The following GLTP variants were observed in gnomAD, a reference collection of about 807,000 sequenced individuals.
GLTP encodes glycolipid transfer protein.
Under a neutral mutation model 24.0 loss-of-function variants are expected in GLTP, and 22 were observed. The observed-to-expected ratio is 0.92, with a 90% CI of 0.65 to 1.31. GLTP has a LOEUF of 1.31. Among genes scored for constraint, GLTP ranks in the 50% most tolerant of loss-of-function variants. The probability of loss-of-function intolerance (pLI) is 0.00; values close to 1 mark genes in which losing one functional copy is unlikely to be tolerated. For missense variants in GLTP, 224 were observed against 276.6 expected, an observed-to-expected ratio of 0.81 and a Z score of 1.35; for synonymous variants, 92 against 115.9, an observed-to-expected ratio of 0.79 and a Z score of 1.33.
intron 1 of GLTP, chr12:109,860,423 A>G (rs1892857362): frequency 4.8e-6 from 1 of 210,344 alleles, no homozygotes; most frequent in South Asian, 8.6e-5. Context: ...GCATGCACCT[A>G]TGTGTGTTTT....
intron 1 of GLTP, chr12:109,860,028 G>A (rs1892852647): frequency 6.6e-6 from 1 of 151,704 alleles, no homozygotes; most frequent in Non-Finnish European, 1.5e-5. Context: ...GCCCAAGCTG[G>A]AGTGCAATGG....
Position 109,880,330 on chromosome 12 carries a change from G to C in GLTP, c.45C>G (p.Asp15Glu). Residue 15 changes from aspartate to glutamate, a missense_variant, in exon 1 of 5, where the codon GAC becomes GAG. Coordinates refer to ENST00000318348, the MANE Select transcript of GLTP (RefSeq NM_016433.4). The surrounding 1 kb of genome is among the most constrained non-coding windows in gnomAD (Gnocchi z 5.1). ...GGAAGGGCCCGGTCTCGATCTGCTTGTCCGCGGGCAGCGGCTTCAGCAAGT... is the reference window on the plus strand; with the variant it reads ...GGAAGGGCCCGGTCTCGATCTGCTTCTCCGCGGGCAGCGGCTTCAGCAAGT... ...AEHLLKPLPA[D>E]KQIETGPFLE... 7 of 1,604,822 alleles carry C rather than the reference G, an allele frequency of 4.4e-6. No individual in the cohort carries two copies. The highest frequency in any genetic ancestry group is 5.9e-6 in the Non-Finnish European group (7 of 1,177,380).
intron 1 of GLTP, among the ~76,000 whole-genome samples, chr12:109,872,685 G>T (rs957951680): frequency 2.0e-5 from 3 of 152,220 alleles, no homozygotes; most frequent in Non-Finnish European, 4.4e-5. Context: ...CATCTCCGAA[G>T]TCTGCCAGCA....
chr12:109,876,745 T>C lies in GLTP; in HGVS notation c.103+3527A>G, dbSNP rs529699722. On this transcript the variant is annotated intron_variant, in intron 1 of 4. Coordinates refer to ENST00000318348, the MANE Select transcript of GLTP (RefSeq NM_016433.4). ...ATGAAAAGATGGTTATGCTATATTG[T>C]TGGGTAGAAAAAGCAGGTTATACTT... Among the ~76,000 whole-genome samples, 406 of 142,472 alleles carry C rather than the reference T, an allele frequency of 2.8e-3. 1 individual carries two copies. Among genetic ancestry groups the C allele is most frequent in the African/African-American group, 0.012 (386 of 32,796 alleles). The allele number at this position is 142,472 out of a possible 152,430, so 93.5% of individuals were successfully genotyped here. A position where few individuals can be genotyped will look rare whatever the true frequency, so the allele number is the denominator to read the frequency against.
At chr12:109,858,343 G>A in intron 2 of GLTP, 1 of 426,338 alleles carries the variant, frequency 2.3e-6, no homozygotes, top group Non-Finnish European at 4.6e-6. Flanking sequence ...GGAACTACCA[G>A]GATTGGAGAA....
intron 2 of GLTP, chr12:109,858,298 C>G (rs571887262): frequency 1.4e-4 from 62 of 450,134 alleles, no homozygotes; most frequent in Middle Eastern, 9.9e-4. Context: ...TAGGTGGATT[C>G]TCACAGGCAG....
chr12:109,879,395 T>A (rs1868988496), intron 1 of GLTP, among the ~76,000 whole-genome samples: 1 of 152,130 alleles, frequency 6.6e-6, no homozygotes, highest in African/African-American at 2.4e-5. Flanking sequence ...ATTTTCCATC[T>A]GGGGCCTTGG....
chr12:109,859,998 C>G (rs1013391474), intron 1 of GLTP: 2 of 71,464 alleles, frequency 2.8e-5, no homozygotes, highest in East Asian at 4.4e-4. Context: ...TTTTTTTCCC[C>G]GAGACTTTTT....
intron 4 of GLTP, 90 bp from the exon 5 acceptor site, chr12:109,852,827 C>G (rs530815354): frequency 8.9e-6 from 7 of 788,814 alleles, no homozygotes; most frequent in East Asian, 4.9e-5. Context: ...GGGGTCTTCC[C>G]TGGGTCTGTG....
chr12:109,875,958 T>A (rs1214124626), intron 1 of GLTP, among the ~76,000 whole-genome samples: 2 of 152,208 alleles, frequency 1.3e-5, no homozygotes, highest in African/African-American at 4.8e-5. Context: ...ATAAGGATGT[T>A]CACTGCAGCA....
intron 1 of GLTP, among the ~76,000 whole-genome samples, chr12:109,874,913 A>G (rs1362274024): frequency 6.6e-6 from 1 of 152,016 alleles, no homozygotes; most frequent in Non-Finnish European, 1.5e-5. Context: ...GAGAATGCTA[A>G]CATGCCCGAC....
chr12:109,876,774 T>C (rs1355855715), intron 1 of GLTP, among the ~76,000 whole-genome samples: 1 of 152,202 alleles, frequency 6.6e-6, no homozygotes, highest in Non-Finnish European at 1.5e-5. Context: ...TATACTTATT[T>C]GTTTATTTAT....
intron 4 of GLTP, 136 bp from the exon 5 acceptor site, chr12:109,852,873 G>C: frequency 3.2e-6 from 2 of 618,312 alleles, no homozygotes; most frequent in South Asian, 4.1e-5. Flanking sequence ...GGTGTTGGAA[G>C]GGAAAGGAAA....
In GLTP at chr12:109,857,711, T is replaced by C. The variant is rs780223948; in HGVS notation, c.163-52A>G. 2 of 1,604,638 alleles carry C rather than the reference T, an allele frequency of 1.2e-6. No homozygotes were observed. The highest frequency in any genetic ancestry group is 1.7e-6 in the Non-Finnish European group (2 of 1,171,436). Reference sequence around the variant, plus strand: ...CTTGGGTAAGCTGCCCCCATAGACATCTGGCCCGCACGCTGGGTGAAAAGC... The same window carrying C: ...CTTGGGTAAGCTGCCCCCATAGACACCTGGCCCGCACGCTGGGTGAAAAGC... On this transcript the variant is annotated intron_variant, in intron 2 of 4. Coordinates refer to ENST00000318348, the MANE Select transcript of GLTP (RefSeq NM_016433.4). This position sits in a 1 kb window ranked among gnomAD's most constrained non-coding sequence, Gnocchi z 4.3.
At position 109,855,573 on chromosome 12, in the gene GLTP, G is replaced by GAATCTGCA. The variant is rs750736458; in HGVS notation, c.447+38_447+45dup. The GAATCTGCA allele has an allele frequency of 7.3e-6, 11 of 1,499,784 alleles. No individual in the cohort carries two copies. In the Admixed American group the frequency reaches 1.3e-4, roughly 17 times the overall value. The allele number at this position is 1,499,784 out of a possible 1,614,324, so 92.9% of individuals were successfully genotyped here. A position where few individuals can be genotyped will look rare whatever the true frequency, so the allele number is the denominator to read the frequency against. ...CTAAGCAGGGGCAGAGTGGGGAGCA[G>GAATCTGCA]AATCTGCAAGCTGGTGGTCCTTTGG... On this transcript the variant is annotated intron_variant, in intron 4 of 4. Coordinates refer to ENST00000318348, the MANE Select transcript of GLTP (RefSeq NM_016433.4). This position sits in a 1 kb window ranked among gnomAD's most constrained non-coding sequence, Gnocchi z 4.1.
intron 4 of GLTP, among the ~76,000 whole-genome samples, chr12:109,854,345 G>A (rs564590206): frequency 1.4e-4 from 18 of 128,342 alleles, no homozygotes; most frequent in Non-Finnish European, 1.2e-4. Flanking sequence ...GGGCGACAGC[G>A]ACAGAGTGAG....
intron 1 of GLTP, among the ~76,000 whole-genome samples, chr12:109,877,143 C>T (rs1176500415): frequency 2.6e-5 from 4 of 152,198 alleles, no homozygotes; most frequent in South Asian, 2.1e-4. Flanking sequence ...CGTGAGCCAC[C>T]GCACCAGCCC....
intron 1 of GLTP, among the ~76,000 whole-genome samples, chr12:109,859,417 G>A (rs2193534): frequency 0.43 from 65,927 of 151,908 alleles, 14,816 homozygotes; most frequent in Admixed American, 0.55. Flanking sequence ...TACTCAGGAG[G>A]CTGAGGCAGG....
Position 109,852,423 on chromosome 12 carries a change from C to A in GLTP, c.*132G>T. On this transcript the variant is annotated 3_prime_UTR_variant, in exon 5 of 5. Coordinates refer to ENST00000318348, the MANE Select transcript of GLTP (RefSeq NM_016433.4). Reference sequence around the variant, plus strand: ...AAAAACGAGGGCTGTCCCCTGCAGACTCTGGCAGGACCCTGGGCTGCTCTG... The same window carrying A: ...AAAAACGAGGGCTGTCCCCTGCAGAATCTGGCAGGACCCTGGGCTGCTCTG... 1 of 533,210 alleles carries A rather than the reference C, an allele frequency of 1.9e-6. No homozygotes were observed. The highest frequency in any genetic ancestry group is 3.4e-6 in the Non-Finnish European group (1 of 291,014). 33.0% of individuals were successfully genotyped at this position (533,210 alleles called of 1,614,324 possible). A position where few individuals can be genotyped will look rare whatever the true frequency, so the allele number is the denominator to read the frequency against.
Sources: allele counts gnomAD v4.1 joint callset (sites outside exome capture counted in the v4.1 genomes callset), GRCh38; gene constraint gnomAD v4.1.1; non-coding constraint Gnocchi (gnomAD v3.1); transcripts MANE v1.5; gene names NCBI Gene and HGNC (gene_info 2026-07-23, HGNC 2026-07-21).